The following CLECL1 variants were observed in gnomAD, a reference collection of about 807,000 sequenced individuals.
The protein encoded by CLECL1 is C-type lectin-like domain family 1.
chr12:9,733,341 A>T (rs1866478247), upstream of CLECL1: 2 of 973,228 alleles, frequency 2.1e-6, no homozygotes, highest in Admixed American at 2.2e-5. Flanking sequence ...ACCACAGAAG[A>T]TATCTCACCA....
chr12:9,710,197 C>A, the CLECL1 span, among the ~76,000 whole-genome samples: 1 of 152,112 alleles, frequency 6.6e-6, no homozygotes, highest in African/African-American at 2.4e-5. Context: ...CATGTTTAAC[C>A]CATGCATACT....
exon 3 of CLECL1, chr12:9,715,986 C>T (rs1169625561): frequency 6.6e-6 from 1 of 152,490 alleles, no homozygotes; most frequent in African/African-American, 2.4e-5. Flanking sequence ...CCCTCCTGCC[C>T]ACAAATTGCC....
the CLECL1 span, chr12:9,709,486 G>A: frequency 0.69 from 104,232 of 152,074 alleles, 38,223 homozygotes; most frequent in East Asian, 0.96. Flanking sequence ...GATATTGACA[G>A]GTTTTCAGAT....
chr12:9,709,000 G>A, the CLECL1 span: 1 of 183,152 alleles, frequency 5.5e-6, no homozygotes, highest in Admixed American at 6.2e-5. Flanking sequence ...ACAAAGGGTT[G>A]GCCAAATTAT....
chr12:9,719,899 A>G (rs1403851916), downstream of CLECL1, among the ~76,000 whole-genome samples: 1 of 152,036 alleles, frequency 6.6e-6, no homozygotes, highest in Non-Finnish European at 1.5e-5. Flanking sequence ...TTTAGTTTCC[A>G]TTTTCACAGT....
At chr12:9,720,861 G>C (rs1866301492), downstream of CLECL1, among the ~76,000 whole-genome samples, 1 of 152,126 alleles carries the variant, frequency 6.6e-6, no homozygotes, top group Admixed American at 6.5e-5. Context: ...AATTATCCTG[G>C]CTGAATTCTT....
intron 1 of CLECL1, among the ~76,000 whole-genome samples, chr12:9,731,674 G>T (rs998828552): frequency 2.0e-5 from 3 of 152,204 alleles, no homozygotes; most frequent in East Asian, 1.9e-4. Context: ...ATGACTATAG[G>T]TAGGTAATTT....
At chr12:9,733,301 A>G (rs376988344), upstream of CLECL1, 7 of 1,422,654 alleles carry the variant, frequency 4.9e-6, no homozygotes, top group Non-Finnish European at 6.8e-6. Context: ...TTTTCTGCCT[A>G]AACTTGAAAT....
downstream of CLECL1, among the ~76,000 whole-genome samples, chr12:9,720,757 A>T (rs1329102916): frequency 1.3e-5 from 2 of 152,210 alleles, no homozygotes. Context: ...GTAGAGAAAT[A>T]GCCTGGGAGA....
intron 1 of CLECL1, among the ~76,000 whole-genome samples, chr12:9,732,108 A>G (rs1182267869): frequency 6.6e-6 from 1 of 152,242 alleles, no homozygotes; most frequent in East Asian, 1.9e-4. Context: ...AAGGACACAC[A>G]CTAGATTCCT....
At chr12:9,707,818 A>G in the CLECL1 span, among the ~76,000 whole-genome samples, 12 of 152,206 alleles carry the variant, frequency 7.9e-5, no homozygotes, top group African/African-American at 2.2e-4. Context: ...TCTCTCTCAC[A>G]TGGTTCAAAA....
chr12:9,704,804 T>C, the CLECL1 span, among the ~76,000 whole-genome samples: 1 of 152,232 alleles, frequency 6.6e-6, no homozygotes, highest in African/African-American at 2.4e-5. Context: ...CTTTATCCAG[T>C]CTATCGTTGA....
chr12:9,717,297 T>C (rs1267287253), intron 2 of CLECL1, among the ~76,000 whole-genome samples: 1 of 152,052 alleles, frequency 6.6e-6, no homozygotes, highest in East Asian at 1.9e-4. Flanking sequence ...ATAATGATGA[T>C]GGCCGTAATG....
At chr12:9,723,626 T>A (rs1866341833) in intron 3 of CLECL1, among the ~76,000 whole-genome samples, 1 of 152,086 alleles carries the variant, frequency 6.6e-6, no homozygotes, top group Non-Finnish European at 1.5e-5. Context: ...AAAACATCAT[T>A]AAAAAACCTG....
upstream of CLECL1, among the ~76,000 whole-genome samples, chr12:9,733,901 C>A (rs948114107): frequency 6.6e-6 from 1 of 152,124 alleles, no homozygotes. Flanking sequence ...AAAATTTCAA[C>A]TAATTCCTGG....
intron 1 of CLECL1, among the ~76,000 whole-genome samples, chr12:9,732,725 GAAAACAGAAGC>G (rs1488001990): frequency 6.6e-6 from 1 of 152,196 alleles, no homozygotes; most frequent in Non-Finnish European, 1.5e-5. Flanking sequence ...GAAAGGCTAT[GAAAACAGAAGC>G]AAAGTTCTAC....
downstream of CLECL1, among the ~76,000 whole-genome samples, chr12:9,714,840 C>T (rs905455856): frequency 3.3e-5 from 5 of 152,126 alleles, no homozygotes; most frequent in Non-Finnish European, 7.3e-5. Flanking sequence ...TGGCTAACTG[C>T]AAAAACAAAT....
intron 1 of CLECL1, among the ~76,000 whole-genome samples, chr12:9,729,814 C>CTT (rs200222926): frequency 6.8e-6 from 1 of 147,184 alleles, no homozygotes; most frequent in Non-Finnish European, 1.5e-5. Flanking sequence ...GACCCAGCTT[C>CTT]TTTTTTTTTT....
chr12:9,707,408 G>A, the CLECL1 span, among the ~76,000 whole-genome samples: 1 of 152,124 alleles, frequency 6.6e-6, no homozygotes, highest in African/African-American at 2.4e-5. Flanking sequence ...TTTCTTAAAT[G>A]TTTACACATA....
Sources: allele counts gnomAD v4.1 joint callset (sites outside exome capture counted in the v4.1 genomes callset), GRCh38; gene constraint gnomAD v4.1.1; transcripts MANE v1.5; gene names NCBI Gene and HGNC (gene_info 2026-07-23, HGNC 2026-07-21).